Variants in BMPR1A observed in about 807,000 individuals in gnomAD.
The protein encoded by BMPR1A is bone morphogenetic protein receptor type-1A.
In BMPR1A, 7 loss-of-function variants were observed where a neutral mutation model predicts 66.0. The ratio of observed to expected loss-of-function variants is 0.11; its 90% CI spans 0.06 to 0.20. The LOEUF is 0.20. Ranked by LOEUF, BMPR1A falls within the 10% of genes least tolerant of loss-of-function variation. The probability of loss-of-function intolerance (pLI) is 1.00; values close to 1 mark genes in which losing one functional copy is unlikely to be tolerated. For missense variants in BMPR1A, 408 were observed against 669.1 expected (o/e 0.61, Z 4.31); for synonymous variants, 200 against 229.7 (o/e 0.87, Z 1.17).
At chr10:86,915,496 A>G (rs1165523929) in intron 8 of BMPR1A, among the ~76,000 whole-genome samples, 1 of 152,108 alleles carries the variant, frequency 6.6e-6, no homozygotes, top group African/African-American at 2.4e-5. Flanking sequence ...TTACAGGCTG[A>G]GGCAGGCAGA....
chr10:86,865,546 CT>C (rs1041864888), intron 2 of BMPR1A, among the ~76,000 whole-genome samples: 2 of 152,220 alleles, frequency 1.3e-5, no homozygotes, highest in African/African-American at 4.8e-5. Flanking sequence ...TGATTAAAAG[CT>C]TTTATTGCTC....
chr10:86,903,545 C>T (rs541624595), intron 7 of BMPR1A, among the ~76,000 whole-genome samples: 5 of 151,824 alleles, frequency 3.3e-5, no homozygotes, highest in East Asian at 1.9e-4. Flanking sequence ...AGAGGAGGGA[C>T]GAAAAACATA....
intron 1 of BMPR1A, among the ~76,000 whole-genome samples, chr10:86,760,803 A>G (rs760719568): frequency 3.9e-5 from 6 of 152,144 alleles, no homozygotes; most frequent in Non-Finnish European, 7.4e-5. Context: ...ACTAGTTTTT[A>G]GGCTTTAGGA....
intron 1 of BMPR1A, among the ~76,000 whole-genome samples, chr10:86,816,831 G>A (rs1286368744): frequency 6.6e-6 from 1 of 152,160 alleles, no homozygotes; most frequent in African/African-American, 2.4e-5. Flanking sequence ...TGGGGTTGAC[G>A]AACCACTCTT....
In BMPR1A at chr10:86,923,730, A is replaced by G. The variant is rs770781608; in HGVS notation, c.*11A>G. On this transcript the variant is annotated 3_prime_UTR_variant, in exon 13 of 13. Transcript: ENST00000372037. ...GATGTAAAAATCTGATGGTTAAACC[A>G]TCGGAGGAGAAACTCTAGACTGCAA... is the stretch of plus-strand genomic sequence containing the variant. 2.5e-6 allele frequency: 4 copies of G among 1,612,722 alleles called. No individual in the cohort carries two copies. The South Asian group carries it at 3.3e-5, about 13-fold the overall frequency.
At chr10:86,785,568 C>T (rs1339716018) in intron 1 of BMPR1A, among the ~76,000 whole-genome samples, 1 of 152,186 alleles carries the variant, frequency 6.6e-6, no homozygotes, top group Non-Finnish European at 1.5e-5. Flanking sequence ...CCTCCCAAAG[C>T]TGGGATTATA....
rs1244137309 is a variant in BMPR1A at position 86,906,656 on chromosome 10, G to A, written c.531-5584G>A. On this transcript the variant is annotated intron_variant, in intron 7 of 12. Transcript: ENST00000372037. ...GGAGGATGGCGTGAATCCGGGAGGCGGAGCTTGCAGTGAGCCGACATCGCG... is the reference window on the plus strand; with the variant it reads ...GGAGGATGGCGTGAATCCGGGAGGCAGAGCTTGCAGTGAGCCGACATCGCG... 5.5e-4 allele frequency among the ~76,000 whole-genome samples: 27 copies of A among 49,150 alleles called. 11 individuals are homozygous for A. Among genetic ancestry groups the A allele is most frequent in the African/African-American group, 5.3e-3 (25 of 4,724 alleles). The allele number at this position is 49,150 out of a possible 152,430, so 32.2% of individuals were successfully genotyped here.
chr10:86,790,300 TAAC>T (rs1841597412), intron 1 of BMPR1A, among the ~76,000 whole-genome samples: 1 of 132,674 alleles, frequency 7.5e-6, no homozygotes, highest in Admixed American at 8.5e-5. Context: ...AGATAGATAA[TAAC>T]AAATGCTGGT....
intron 2 of BMPR1A, among the ~76,000 whole-genome samples, chr10:86,847,215 G>C (rs955587603): frequency 6.6e-6 from 1 of 152,128 alleles, no homozygotes; most frequent in Non-Finnish European, 1.5e-5. Context: ...ATATGGTATA[G>C]TGGGGAGAGC....
chr10:86,906,402 TTATC>T (rs1321056424), intron 7 of BMPR1A, among the ~76,000 whole-genome samples: 2 of 151,858 alleles, frequency 1.3e-5, no homozygotes, highest in South Asian at 2.1e-4. Context: ...TATTGCAAAA[TTATC>T]TACTATTTTT....
At chr10:86,923,242 T>TGTGTATA in intron 11 of BMPR1A, 134 bp from the exon 12 acceptor site, 2 of 1,203,814 alleles carry the variant, frequency 1.7e-6, no homozygotes, top group Non-Finnish European at 2.4e-6. Context: ...CTATTAAGAG[T>TGTGTATA]GAATCATAGT....
intron 7 of BMPR1A, among the ~76,000 whole-genome samples, chr10:86,908,174 A>G (rs1001843410): frequency 6.6e-6 from 1 of 152,184 alleles, no homozygotes; most frequent in Non-Finnish European, 1.5e-5. Context: ...ACTGCACTCT[A>G]GCCCAAGCGA....
intron 2 of BMPR1A, chr10:86,855,235 GT>G: frequency 9.6e-7 from 1 of 1,044,986 alleles, no homozygotes; most frequent in Non-Finnish European, 1.3e-6. Context: ...GAGGCTTCAG[GT>G]TTCAGACACA....
chr10:86,895,094 G>A (rs1843207338), intron 5 of BMPR1A, among the ~76,000 whole-genome samples: 1 of 152,212 alleles, frequency 6.6e-6, no homozygotes, highest in East Asian at 1.9e-4. Flanking sequence ...CATCAGTGTA[G>A]GCTATGTCGG....
chr10:86,821,966 GCT>G (rs1842125768), intron 1 of BMPR1A, among the ~76,000 whole-genome samples: 1 of 152,044 alleles, frequency 6.6e-6, no homozygotes, highest in Admixed American at 6.6e-5. Flanking sequence ...ACCACACCCA[GCT>G]AATTTTTGTA....
At position 86,806,697 on chromosome 10, in the gene BMPR1A, G is replaced by A. The variant is rs61858608; in HGVS notation, c.-267-32168G>A. ...CTCCCAAGTAGCTGGAACTACAGGT[G>A]CACACCACCAAACCTGACGAAATTT... On this transcript the variant is annotated intron_variant, in intron 1 of 12. Transcript: ENST00000372037. Among the ~76,000 whole-genome samples, 1,181 of 152,048 alleles carry A rather than the reference G, an allele frequency of 7.8e-3. 6 individuals are homozygous for A. The highest frequency in any genetic ancestry group is 0.011 in the Non-Finnish European group (748 of 67,976).
At chr10:86,769,450 C>T (rs1006822032) in intron 1 of BMPR1A, among the ~76,000 whole-genome samples, 4 of 152,146 alleles carry the variant, frequency 2.6e-5, no homozygotes, top group African/African-American at 4.8e-5. Flanking sequence ...TAAATAGAAT[C>T]AGACTTTTCC....
intron 1 of BMPR1A, among the ~76,000 whole-genome samples, chr10:86,815,361 GT>G (rs200143050): frequency 2.0e-5 from 3 of 151,924 alleles, no homozygotes; most frequent in African/African-American, 4.8e-5. Flanking sequence ...ATTTTCAGCA[GT>G]TTTTTTTCTG....
chr10:86,870,994 C>T (rs1173730994), intron 2 of BMPR1A, among the ~76,000 whole-genome samples: 1 of 152,198 alleles, frequency 6.6e-6, no homozygotes, highest in African/African-American at 2.4e-5. Context: ...TTTGTCTTCT[C>T]TGCCTCTTCA....
Sources: gnomAD v4.1 joint callset for allele counts (sites outside exome capture counted in the v4.1 genomes callset) on GRCh38, gnomAD v4.1.1 for gene constraint, MANE v1.5 for transcripts, NCBI Gene and HGNC (gene_info 2026-07-23, HGNC 2026-07-21) for gene names.